Variants in SGPL1 observed in about 807,000 individuals in gnomAD.
SGPL1 encodes sphingosine-1-phosphate lyase 1, also known as SP-lyase 1.
A neutral mutation model predicts 68.9 loss-of-function variants in SGPL1; 37 were observed. That is an observed-to-expected ratio of 0.54 (90% CI 0.41 to 0.71). SGPL1 has a LOEUF of 0.71. SGPL1 is among the 30% of genes least tolerant of loss of function. The pLI, the probability that SGPL1 is intolerant of heterozygous loss-of-function variation, is 0.00. For synonymous variants in SGPL1, 236 were observed against 248.5 expected (o/e 0.95, Z 0.47); for missense variants, 551 against 704.6 (o/e 0.78, Z 2.47).
At chr10:70,841,915 A>G (rs1328027727) in intron 2 of SGPL1, among the ~76,000 whole-genome samples, 1 of 152,114 alleles carries the variant, frequency 6.6e-6, no homozygotes, top group Non-Finnish European at 1.5e-5. Context: ...TGTTAACATC[A>G]TAGTTAACCA....
chr10:70,858,477 T>C (rs528717985), intron 6 of SGPL1, among the ~76,000 whole-genome samples: 1 of 152,296 alleles, frequency 6.6e-6, no homozygotes. Context: ...TCATATAAAA[T>C]TGGGGTTGTA....
At position 70,863,748 on chromosome 10, in the gene SGPL1, A is replaced by G. The variant is rs539109119; in HGVS notation, c.615+4249A>G. Among the ~76,000 whole-genome samples, 6 of 152,082 alleles carry G rather than the reference A, an allele frequency of 3.9e-5. No homozygotes were observed. In the South Asian group the frequency reaches 1.2e-3, roughly 32 times the overall value. ...TGTTACACATTCTTGAAAGATTGCT[A>G]TTTTTCTTTACTTGAACATCAGGGT... On this transcript the variant is annotated intron_variant, in intron 7 of 14. Transcript: ENST00000373202.
In SGPL1 at chr10:70,873,384, T is replaced by G; in HGVS notation, c.1093T>G (p.Leu365Val). 6.2e-7 allele frequency: 1 copy of G among 1,614,242 alleles called. No homozygotes were observed. The highest frequency in any genetic ancestry group is 1.1e-5 in the South Asian group (1 of 91,082). The part of the protein sequence containing the change: ...GYAPKGSSLV[L>V]YSDKKYRNYQ... Reference sequence around the variant, plus strand: ...TGCCCCAAAAGGCTCATCATTGGTGTTGTATAGTGACAAGAAGTACAGGAA... The same window carrying G: ...TGCCCCAAAAGGCTCATCATTGGTGGTGTATAGTGACAAGAAGTACAGGAA... Residue 365 changes from leucine (L) to valine (V), a missense_variant, in exon 12 of 15, where the codon TTG (leucine) becomes GTG (valine). Physicochemically the swap from Leu to Val is conservative, Grantham distance 32 (BLOSUM62 1). Transcript: ENST00000373202.
intron 11 of SGPL1, among the ~76,000 whole-genome samples, chr10:70,872,454 A>G (rs530912198): frequency 1.3e-5 from 2 of 152,188 alleles, no homozygotes; most frequent in African/African-American, 4.8e-5. Context: ...AAATGGGAAG[A>G]ACCTGTGTGC....
At chr10:70,832,483 A>G (rs1447542790) in intron 2 of SGPL1, among the ~76,000 whole-genome samples, 10 of 152,328 alleles carry the variant, frequency 6.6e-5, no homozygotes, top group Non-Finnish European at 4.4e-5. Flanking sequence ...TGTTAGTAAG[A>G]TAAGTATGGG....
intron 5 of SGPL1, chr10:70,857,300 A>G: frequency 1.2e-5 from 4 of 334,074 alleles, no homozygotes; most frequent in South Asian, 9.7e-5. Context: ...AAATAAGTAT[A>G]GACAAAGGCA....
At chr10:70,875,008 T>G (rs1017008426) in intron 12 of SGPL1, among the ~76,000 whole-genome samples, 1 of 152,236 alleles carries the variant, frequency 6.6e-6, no homozygotes, top group Admixed American at 6.5e-5. Flanking sequence ...ATTTCTTGCT[T>G]TAGGGATTAC....
At chr10:70,861,551 G>T (rs1268164620) in intron 7 of SGPL1, among the ~76,000 whole-genome samples, 8 of 152,194 alleles carry the variant, frequency 5.3e-5, no homozygotes, top group Non-Finnish European at 1.2e-4. Context: ...GGCACTTGAG[G>T]AGCTCTTCAG....
intron 3 of SGPL1, among the ~76,000 whole-genome samples, chr10:70,849,663 G>A (rs988542149): frequency 6.6e-6 from 1 of 152,212 alleles, no homozygotes; most frequent in African/African-American, 2.4e-5. Context: ...ACAAAAAGGG[G>A]GTGCAGACAC....
At chr10:70,864,289 G>A (rs920574977) in intron 7 of SGPL1, among the ~76,000 whole-genome samples, 2 of 152,042 alleles carry the variant, frequency 1.3e-5, no homozygotes, top group Non-Finnish European at 2.9e-5. Flanking sequence ...TCCAACCATC[G>A]CAGTCATTCT....
At chr10:70,865,606 A>G (rs1846171797) in intron 7 of SGPL1, among the ~76,000 whole-genome samples, 1 of 152,138 alleles carries the variant, frequency 6.6e-6, no homozygotes, top group Non-Finnish European at 1.5e-5. Context: ...GAAAGAGTTC[A>G]CTGTTCAGAG....
intron 8 of SGPL1, among the ~76,000 whole-genome samples, chr10:70,868,675 A>G (rs1233800667): frequency 6.8e-6 from 1 of 147,852 alleles, no homozygotes; most frequent in Non-Finnish European, 1.5e-5. Flanking sequence ...CATGCATAGT[A>G]TATACTACAA....
At chr10:70,854,995 G>C in intron 5 of SGPL1, 140 bp downstream of exon 5, 1 of 660,418 alleles carries the variant, frequency 1.5e-6, no homozygotes, top group East Asian at 3.0e-5. Flanking sequence ...TTCACAGGTT[G>C]AATTTCCTAT....
chr10:70,823,460 C>G (rs1845377586), intron 2 of SGPL1, among the ~76,000 whole-genome samples: 1 of 148,944 alleles, frequency 6.7e-6, no homozygotes, highest in Admixed American at 6.8e-5. Flanking sequence ...ATGACAAACA[C>G]TATTTTGTTG....
At chr10:70,827,224 A>T (rs1425909612) in intron 2 of SGPL1, among the ~76,000 whole-genome samples, 2 of 152,242 alleles carry the variant, frequency 1.3e-5, no homozygotes, top group Admixed American at 6.5e-5. Flanking sequence ...TGGTAAGCAG[A>T]TAAATGTAAT....
intron 4 of SGPL1, among the ~76,000 whole-genome samples, chr10:70,852,527 T>C (rs898439865): frequency 2.6e-5 from 4 of 152,186 alleles, no homozygotes; most frequent in Non-Finnish European, 5.9e-5. Flanking sequence ...AATTTTTTTT[T>C]CTTCTTTTCG....
intron 7 of SGPL1, among the ~76,000 whole-genome samples, chr10:70,864,206 C>T (rs1589470435): frequency 6.6e-6 from 1 of 152,062 alleles, no homozygotes; most frequent in East Asian, 1.9e-4. Context: ...TATTTGAAAG[C>T]CCCTTTCTCC....
chr10:70,839,463 C>T (rs1232041812), intron 2 of SGPL1, among the ~76,000 whole-genome samples: 3 of 151,930 alleles, frequency 2.0e-5, no homozygotes, highest in African/African-American at 7.3e-5. Context: ...AGATAAGCAC[C>T]CCTGTCCCCC....
intron 10 of SGPL1, 41 bp from the exon 11 acceptor site, chr10:70,871,794 CTA>C: frequency 6.3e-7 from 1 of 1,596,420 alleles, no homozygotes; most frequent in Admixed American, 1.7e-5. Flanking sequence ...TATTATAGGG[CTA>C]TAAAGGAAAT....
Sources: allele counts gnomAD v4.1 joint callset (sites outside exome capture counted in the v4.1 genomes callset), GRCh38; gene constraint gnomAD v4.1.1; transcripts MANE v1.5; gene names NCBI Gene and HGNC (gene_info 2026-07-23, HGNC 2026-07-21).